The following TMEM45A variants were observed in gnomAD, a reference collection of about 807,000 sequenced individuals.
The protein encoded by TMEM45A is DNA polymerase-transactivated protein 4.
TMEM45A carries 25 observed loss-of-function variants against 32.0 expected under a neutral mutation model. That is an observed-to-expected ratio of 0.78 (90% CI 0.57 to 1.09). TMEM45A has a LOEUF of 1.09. TMEM45A is among the 50% of genes least tolerant of loss of function. The pLI is 0.00. For missense variants in TMEM45A, 302 were observed against 325.0 expected, an observed-to-expected ratio of 0.93 and a Z score of 0.54; for synonymous variants, 122 against 114.8, an observed-to-expected ratio of 1.06 and a Z score of -0.40.
chr3:100,566,500 C>T (rs1559653711), intron 4 of TMEM45A, among the ~76,000 whole-genome samples: 2 of 152,230 alleles, frequency 1.3e-5, no homozygotes, highest in East Asian at 3.9e-4. Context: ...GTGTCAGTTA[C>T]AGTGCTTAGG....
chr3:100,526,456 T>C (rs1444189238), intron 1 of TMEM45A, among the ~76,000 whole-genome samples: 1 of 152,168 alleles, frequency 6.6e-6, no homozygotes, highest in East Asian at 1.9e-4. Flanking sequence ...TAACAACAGC[T>C]CAGGTTCTGG....
At chr3:100,540,208 A>G (rs2148965808) in intron 1 of TMEM45A, among the ~76,000 whole-genome samples, 1 of 152,308 alleles carries the variant, frequency 6.6e-6, no homozygotes, top group Non-Finnish European at 1.5e-5. Flanking sequence ...GTCTATGTCT[A>G]GATTCATTGT....
chr3:100,527,439 CT>C (rs1276443111), intron 1 of TMEM45A, among the ~76,000 whole-genome samples: 1 of 151,908 alleles, frequency 6.6e-6, no homozygotes, highest in Non-Finnish European at 1.5e-5. Context: ...AGACTTTGGC[CT>C]TTTTTTTCTA....
At chr3:100,569,345 T>C (rs1241252473) in intron 5 of TMEM45A, among the ~76,000 whole-genome samples, 1 of 152,212 alleles carries the variant, frequency 6.6e-6, no homozygotes, top group Non-Finnish European at 1.5e-5. Context: ...TAGCACTTCT[T>C]AAGCTTCGAG....
chr3:100,514,890 TG>T (rs1376232182), intron 1 of TMEM45A, among the ~76,000 whole-genome samples: 2 of 148,956 alleles, frequency 1.3e-5, no homozygotes, highest in Non-Finnish European at 3.0e-5. Context: ...TCACCATCAC[TG>T]GCCATCAGAG....
chr3:100,497,142 T>G (rs1490143832), intron 1 of TMEM45A, among the ~76,000 whole-genome samples: 6 of 152,244 alleles, frequency 3.9e-5, no homozygotes, highest in Non-Finnish European at 8.8e-5. Context: ...GCTCTTTATC[T>G]AATGTAGTTG....
rs6763638 is a variant in TMEM45A, at chr3:100,569,057, T to C, written c.734+90T>C. Reference sequence around the variant, plus strand: ...GTATTGAATTTAAAATTCAAAAGGGTATTTCATTCCTTATCATCCCATAAG... The same window carrying C: ...GTATTGAATTTAAAATTCAAAAGGGCATTTCATTCCTTATCATCCCATAAG... On this transcript the variant is annotated intron_variant, in intron 5 of 5. Transcript: ENST00000323523. The C allele has an allele frequency of 1.8e-4, 244 of 1,325,790 alleles. 1 individual carries two copies. Among genetic ancestry groups the C allele is most frequent in the East Asian group, 1.9e-4 (8 of 42,570 alleles). 82.1% of individuals were successfully genotyped at this position (1,325,790 alleles called of 1,614,324 possible).
chr3:100,555,007 A>G (rs894923896), intron 1 of TMEM45A, among the ~76,000 whole-genome samples: 11 of 152,266 alleles, frequency 7.2e-5, no homozygotes, highest in Middle Eastern at 3.4e-3. Context: ...AACAAATGTG[A>G]GTTTTTATTT....
At chr3:100,504,220 C>A (rs547070677) in intron 1 of TMEM45A, among the ~76,000 whole-genome samples, 45 of 151,796 alleles carry the variant, frequency 3.0e-4, no homozygotes, top group African/African-American at 1.1e-3. Context: ...CACCCCACCC[C>A]CTGAGTCCAT....
intron 1 of TMEM45A, among the ~76,000 whole-genome samples, chr3:100,501,718 C>T (rs935526221): frequency 6.6e-6 from 1 of 152,136 alleles, no homozygotes; most frequent in African/African-American, 2.4e-5. Context: ...TTTTTGGGAG[C>T]CAAACTTCCC....
At chr3:100,493,660 A>G (rs974613164) in intron 1 of TMEM45A, among the ~76,000 whole-genome samples, 86 of 152,008 alleles carry the variant, frequency 5.7e-4, no homozygotes, top group African/African-American at 2.1e-3. Context: ...ACACTATGCT[A>G]TATGGTGTAT....
chr3:100,545,648 C>T (rs888091112), intron 1 of TMEM45A, among the ~76,000 whole-genome samples: 1 of 152,146 alleles, frequency 6.6e-6, no homozygotes, highest in East Asian at 1.9e-4. Flanking sequence ...TGCCTCTGTC[C>T]CTCCCTTGAA....
At chr3:100,535,696 T>C (rs576389573) in intron 1 of TMEM45A, among the ~76,000 whole-genome samples, 1 of 152,226 alleles carries the variant, frequency 6.6e-6, no homozygotes, top group Non-Finnish European at 1.5e-5. Context: ...GCCTCATATA[T>C]GCATATTTAA....
chr3:100,522,298 G>C (rs1705451984), intron 1 of TMEM45A, among the ~76,000 whole-genome samples: 1 of 152,164 alleles, frequency 6.6e-6, no homozygotes, highest in Non-Finnish European at 1.5e-5. Flanking sequence ...GGGAGATGCA[G>C]TATCAGTCCC....
chr3:100,544,191 C>T (rs1404280722), intron 1 of TMEM45A, among the ~76,000 whole-genome samples: 1 of 151,914 alleles, frequency 6.6e-6, no homozygotes, highest in Non-Finnish European at 1.5e-5. Flanking sequence ...GTGGTGGATC[C>T]ACAGTCTTCA....
At chr3:100,556,655 CA>C in intron 2 of TMEM45A, 104 bp from the exon 3 acceptor site, 1 of 1,089,038 alleles carries the variant, frequency 9.2e-7, no homozygotes, top group South Asian at 1.4e-5. Context: ...GAATTAATGT[CA>C]AAAGAGGACA....
chr3:100,553,800 G>A (rs1304687439), intron 1 of TMEM45A, among the ~76,000 whole-genome samples: 2 of 152,196 alleles, frequency 1.3e-5, no homozygotes, highest in African/African-American at 4.8e-5. Flanking sequence ...GTGATATATT[G>A]AGTCTGAGAC....
intron 1 of TMEM45A, among the ~76,000 whole-genome samples, chr3:100,514,705 G>A (rs1708230635): frequency 6.6e-6 from 1 of 152,028 alleles, no homozygotes; most frequent in East Asian, 1.9e-4. Flanking sequence ...CAAAATGGGA[G>A]AAAATGTTCG....
intron 5 of TMEM45A, chr3:100,572,956 C>G (rs1397196302): frequency 2.6e-5 from 4 of 151,706 alleles, no homozygotes; most frequent in Non-Finnish European, 5.9e-5. Flanking sequence ...TTCCATTGGT[C>G]TATATCTCTG....
Sources: allele counts gnomAD v4.1 joint callset (sites outside exome capture counted in the v4.1 genomes callset), GRCh38; gene constraint gnomAD v4.1.1; transcripts MANE v1.5; gene names NCBI Gene and HGNC (gene_info 2026-07-23, HGNC 2026-07-21).